The following NLGN3 variants were observed in gnomAD, a reference collection of about 807,000 sequenced individuals.
NLGN3 encodes neuroligin 3.
Under a neutral mutation model 42.9 loss-of-function variants are expected in NLGN3, and 11 were observed. That is an observed-to-expected ratio of 0.26 (90% CI 0.16 to 0.42). The LOEUF (loss-of-function observed/expected upper bound fraction) is 0.42. NLGN3 is among the 10% of genes least tolerant of loss of function. The pLI is 1.00. For synonymous variants in NLGN3, 279 were observed against 312.7 expected (o/e 0.89, Z 1.14); for missense variants, 374 against 733.8 (o/e 0.51, Z 5.67).
chrX:71,154,366 G>T (rs949353857), intron 4 of NLGN3, among the ~76,000 whole-genome samples: 1 of 112,944 alleles, frequency 8.9e-6, no homozygotes, highest in Non-Finnish European at 1.9e-5. Flanking sequence ...TATTGGTCCA[G>T]TTCACGGACT....
chrX:71,148,922 C>A lies in NLGN3; in HGVS notation c.517+17C>A, dbSNP rs763607264. The A allele has an allele frequency of 4.7e-4, 481 of 1,022,354 alleles. No homozygotes were observed. The highest frequency in any genetic ancestry group is 5.9e-4 in the Non-Finnish European group (453 of 769,179). 84.3% of individuals were successfully genotyped at this position (1,022,354 alleles called of 1,213,427 possible). ...GGAAAGGAGGTAGGTAGCGAGCCGG[C>A]GGGGAGGGAGAGAGAGAGAGAGGGA... On this transcript the variant is annotated intron_variant, in intron 3 of 7. Coordinates refer to ENST00000358741, the MANE Select transcript of NLGN3 (RefSeq NM_181303.2).
chrX:71,148,949 G>A, intron 3 of NLGN3, 44 bp downstream of exon 3: 3 of 800,898 alleles, frequency 3.7e-6, no homozygotes, highest in Non-Finnish European at 5.1e-6. Context: ...AGAGAGGGAG[G>A]GCTGCCTGCC....
intron 6 of NLGN3, among the ~76,000 whole-genome samples, chrX:71,165,889 G>C (rs2092445257): frequency 9.0e-6 from 1 of 111,078 alleles, no homozygotes. Flanking sequence ...TTGATGCATG[G>C]AGAATAATCT....
intron 1 of NLGN3, among the ~76,000 whole-genome samples, chrX:71,146,192 C>G (rs1022972670): frequency 0.01 from 976 of 95,487 alleles, 28 homozygotes; most frequent in African/African-American, 0.036. Flanking sequence ...CACACACACA[C>G]ACACACACAC....
intron 5 of NLGN3, among the ~76,000 whole-genome samples, chrX:71,163,933 T>C (rs987362955): frequency 8.9e-6 from 1 of 112,730 alleles, no homozygotes; most frequent in South Asian, 3.7e-4. Flanking sequence ...CCAAGCTGGA[T>C]AACAGGTGGG....
chrX:71,155,311 C>T lies in NLGN3; in HGVS notation c.675C>T (p.Ala225=). ...ACATGATTGATGGCAGCATCCTCGC[C>T]AGTTATGGCAATGTCATCGTCATCA... is the stretch of plus-strand genomic sequence containing the variant. ...TGNMIDGSIL[A]SYGNVIVITL... The change falls in exon 5 of 8, where the codon GCC becomes GCT. Residue 225 remains alanine, a synonymous_variant. Coordinates refer to ENST00000358741, the MANE Select transcript of NLGN3 (RefSeq NM_181303.2). The T allele has an allele frequency of 8.2e-7, 1 of 1,212,211 alleles. No homozygotes were observed. Among genetic ancestry groups the T allele is most frequent in the South Asian group, 1.8e-5 (1 of 57,040 alleles).
chrX:71,155,362 A>G lies in NLGN3; in HGVS notation c.726A>G (p.Leu242=). 3.3e-6 allele frequency: 4 copies of G among 1,211,992 alleles called. No homozygotes were observed. The highest frequency in any genetic ancestry group is 4.5e-6 in the Non-Finnish European group (4 of 895,388). ...CCCTCAACTATCGGGTTGGAGTGCT[A>G]GGTATGGTTCCCTGCCTGGTGCCTG... ...VITLNYRVGV[L]GFLSTGDQAA... is the part of the protein sequence containing the mutation. The change falls in exon 5 of 8, where the codon CTA becomes CTG. Residue 242 remains leucine (L), a splice_region_variant and synonymous_variant. Transcript: ENST00000358741.
chrX:71,162,496 C>T (rs1316171659), intron 5 of NLGN3, among the ~76,000 whole-genome samples: 1 of 111,767 alleles, frequency 8.9e-6, no homozygotes, highest in African/African-American at 3.3e-5. Flanking sequence ...AAGCTGATTT[C>T]CTTGTCTGGA....
chrX:71,174,109 G>A (rs1182743842), downstream of NLGN3, among the ~76,000 whole-genome samples: 3 of 111,895 alleles, frequency 2.7e-5, no homozygotes, highest in African/African-American at 3.2e-5. Context: ...GTTTTATGGT[G>A]GAAAAACAAA....
intron 5 of NLGN3, among the ~76,000 whole-genome samples, chrX:71,158,487 CTTTCT>C (rs1169974246): frequency 8.9e-6 from 1 of 112,478 alleles, no homozygotes; most frequent in Non-Finnish European, 1.9e-5. Context: ...AATTTTGCTA[CTTTCT>C]TTTCTTAGAG....
chrX:71,171,076 G>GA lies in NLGN3; in HGVS notation c.*979_*980insA, dbSNP rs1164040108. The GA allele has an allele frequency of 1.3e-6, 1 of 740,910 alleles. No homozygotes were observed. Among genetic ancestry groups the GA allele is most frequent in the African/African-American group, 2.4e-5 (1 of 41,075 alleles). 61.1% of individuals were successfully genotyped at this position (740,910 alleles called of 1,213,427 possible). ...AAAGGCGGTGTTTTTTGTTGTTGTTGGTTTTTTTTTTTTTTTAAAGAAAAG... is the reference window on the plus strand; with the variant it reads ...AAAGGCGGTGTTTTTTGTTGTTGTTGAGTTTTTTTTTTTTTTTAAAGAAAAG... On this transcript the variant is annotated 3_prime_UTR_variant, in exon 8 of 8. Coordinates refer to ENST00000358741, the MANE Select transcript of NLGN3 (RefSeq NM_181303.2).
chrX:71,164,364 A>C, intron 6 of NLGN3, 36 bp downstream of exon 6: 1 of 1,183,871 alleles, frequency 8.4e-7, no homozygotes, highest in Non-Finnish European at 1.1e-6. Flanking sequence ...GAACTAGCCA[A>C]GTGCCGGCTG....
chrX:71,146,153 TCA>T (rs752225810), intron 1 of NLGN3, among the ~76,000 whole-genome samples: 37 of 26,355 alleles, frequency 1.4e-3, no homozygotes, highest in Middle Eastern at 0.026. Flanking sequence ...TCTCTCTCTC[TCA>T]CACACACACA....
intron 7 of NLGN3, among the ~76,000 whole-genome samples, chrX:71,168,857 G>GAAAGAAAGAAAGAA (rs1569485688): frequency 1.2e-5 from 1 of 86,755 alleles, no homozygotes; most frequent in Non-Finnish European, 2.1e-5. Flanking sequence ...AAGAAAGAAA[G>GAAAGAAAGAAAGAA]AAAGAAAGAA....
rs773498934 is a variant in NLGN3, at chrX:71,162,116, A to AT, written c.728-2015dup. ...GTCAACAGAGTTGGGGTTTTGAGGG[A>AT]TTTTTTTTTTTTGGTTGCTTTTTTA... On this transcript the variant is annotated intron_variant, in intron 5 of 7. Coordinates refer to ENST00000358741, the MANE Select transcript of NLGN3 (RefSeq NM_181303.2). Among the ~76,000 whole-genome samples, 764 of 102,692 alleles carry AT rather than the reference A, an allele frequency of 7.4e-3. 7 individuals are homozygous for AT. The highest frequency in any genetic ancestry group is 0.025 in the African/African-American group (697 of 28,369). The allele number at this position is 102,692 out of a possible 115,157, so 89.2% of individuals were successfully genotyped here.
chrX:71,146,406 T>A (rs1353026289), intron 1 of NLGN3, among the ~76,000 whole-genome samples: 1 of 108,812 alleles, frequency 9.2e-6, no homozygotes, highest in Non-Finnish European at 1.9e-5. Context: ...CATGCGGGAG[T>A]ATCTGTGTGT....
intron 7 of NLGN3, among the ~76,000 whole-genome samples, chrX:71,168,605 C>A (rs1477590763): frequency 4.7e-5 from 5 of 106,621 alleles, no homozygotes; most frequent in Non-Finnish European, 7.7e-5. Flanking sequence ...GTGGCGGGTG[C>A]CTGTAGTCCC....
downstream of NLGN3, among the ~76,000 whole-genome samples, chrX:71,174,331 G>A (rs904415364): frequency 1.8e-5 from 2 of 111,675 alleles, no homozygotes; most frequent in African/African-American, 6.5e-5. Flanking sequence ...ACAACTGGTG[G>A]TGGCCCTGAA....
At chrX:71,168,884 G>GAAAGGAAAGAA (rs774015992) in intron 7 of NLGN3, among the ~76,000 whole-genome samples, 7 of 71,575 alleles carry the variant, frequency 9.8e-5, no homozygotes, top group African/African-American at 8.4e-4. Flanking sequence ...AGAAAAGAAA[G>GAAAGGAAAGAA]AGAAAGAAAG....
Sources: allele counts gnomAD v4.1 joint callset (sites outside exome capture counted in the v4.1 genomes callset), GRCh38; gene constraint gnomAD v4.1.1; transcripts MANE v1.5; gene names NCBI Gene and HGNC (gene_info 2026-07-23, HGNC 2026-07-21).